PIGB: variants seen among roughly 807,000 people sequenced by gnomAD.
PIGB encodes the protein GPI alpha-1,2-mannosyltransferase 3.
In PIGB, 58 loss-of-function variants were observed where a neutral mutation model predicts 68.4. That is an observed-to-expected ratio of 0.85 (90% CI 0.69 to 1.06). The LOEUF is 1.06. PIGB is among the 50% of genes least tolerant of loss of function. The pLI, the probability that PIGB is intolerant of heterozygous loss-of-function variation, is 0.00. For missense variants in PIGB, 634 were observed against 655.8 expected, an observed-to-expected ratio of 0.97 and a Z score of 0.36; for synonymous variants, 219 against 220.5, an observed-to-expected ratio of 0.99 and a Z score of 0.06.
chr15:55,329,348 A>G (rs2055362670), intron 4 of PIGB, among the ~76,000 whole-genome samples: 1 of 152,196 alleles, frequency 6.6e-6, no homozygotes. Flanking sequence ...TCAGTACTAT[A>G]AGACAGTTTG....
chr15:55,328,108 A>G (rs2055333503), intron 4 of PIGB, among the ~76,000 whole-genome samples: 1 of 152,222 alleles, frequency 6.6e-6, no homozygotes, highest in Non-Finnish European at 1.5e-5. Flanking sequence ...TTGGTGCAAA[A>G]GTAATTGTCG....
chr15:55,321,661 T>C (rs2055168365), intron 3 of PIGB, among the ~76,000 whole-genome samples: 1 of 145,290 alleles, frequency 6.9e-6, no homozygotes, highest in African/African-American at 2.5e-5. Context: ...TTTTTTTTTT[T>C]TTTTTTTTTG....
At chr15:55,345,758 T>TA (rs531241455) in intron 9 of PIGB, among the ~76,000 whole-genome samples, 7,568 of 147,152 alleles carry the variant, frequency 0.051, 552 homozygotes, top group African/African-American at 0.17. Flanking sequence ...AGATTCTGTC[T>TA]AAAAAAAAAA....
At chr15:55,345,234 C>T (rs2055765464) in intron 9 of PIGB, among the ~76,000 whole-genome samples, 1 of 151,904 alleles carries the variant, frequency 6.6e-6, no homozygotes, top group African/African-American at 2.4e-5. Context: ...TACATTATTT[C>T]AGAAGACATT....
At chr15:55,326,440 G>C (rs1320418516) in intron 3 of PIGB, among the ~76,000 whole-genome samples, 2 of 152,098 alleles carry the variant, frequency 1.3e-5, no homozygotes, top group Non-Finnish European at 1.5e-5. Flanking sequence ...CTATAAAACA[G>C]TTCTTGACTC....
intron 6 of PIGB, among the ~76,000 whole-genome samples, chr15:55,338,818 A>G (rs995094023): frequency 6.6e-6 from 1 of 152,138 alleles, no homozygotes; most frequent in African/African-American, 2.4e-5. Flanking sequence ...CAACCATGTG[A>G]GCAAATTTGG....
intron 5 of PIGB, among the ~76,000 whole-genome samples, chr15:55,331,489 G>A (rs544678708): frequency 6.6e-6 from 1 of 152,214 alleles, no homozygotes; most frequent in South Asian, 2.1e-4. Flanking sequence ...CGAGACGGGT[G>A]GATCACTTGA....
At position 55,334,016 on chromosome 15, in the gene PIGB, G is replaced by C; in HGVS notation, c.794+9G>C. Reference sequence around the variant, plus strand: ...CATTTTTTACCTGTAGGGTAAGTGTGGCAATAATCCATCCATTTATTTTAG... The same window carrying C: ...CATTTTTTACCTGTAGGGTAAGTGTCGCAATAATCCATCCATTTATTTTAG... On this transcript the variant is annotated intron_variant, in intron 6 of 11. Coordinates refer to ENST00000164305, the MANE Select transcript of PIGB (RefSeq NM_004855.5). The C allele has an allele frequency of 6.5e-7, 1 of 1,550,312 alleles. No individual in the cohort carries two copies. Among genetic ancestry groups the C allele is most frequent in the Non-Finnish European group, 8.7e-7 (1 of 1,147,016 alleles).
At chr15:55,354,008 A>G in intron 10 of PIGB, among the ~76,000 whole-genome samples, 1 of 152,058 alleles carries the variant, frequency 6.6e-6, no homozygotes, top group Non-Finnish European at 1.5e-5. Flanking sequence ...TAAAAAAAAA[A>G]AACACTTCAA....
chr15:55,320,608 C>G (rs2055142200), intron 2 of PIGB, among the ~76,000 whole-genome samples, 198 bp downstream of exon 2: 1 of 152,060 alleles, frequency 6.6e-6, no homozygotes, highest in Admixed American at 6.6e-5. Flanking sequence ...TACACACACG[C>G]TTATGATAAA....
In PIGB at chr15:55,334,617, A is replaced by C. The variant is rs150152677; in HGVS notation, c.794+610A>C. ...TAATCTTTTTAATATACAATCATGC[A>C]CCGCATAATGACATTTTGGTTAGCA... is the stretch of plus-strand genomic sequence containing the variant. On this transcript the variant is annotated intron_variant, in intron 6 of 11. Transcript: ENST00000164305. Among the ~76,000 whole-genome samples, 739 of 152,336 alleles carry C rather than the reference A, an allele frequency of 4.9e-3. 9 individuals are homozygous for C. Among genetic ancestry groups the C allele is most frequent in the African/African-American group, 0.017 (706 of 41,578 alleles).
At chr15:55,329,986 A>G (rs982927756) in intron 5 of PIGB, 132 bp downstream of exon 5, 125 of 590,146 alleles carry the variant, frequency 2.1e-4, no homozygotes, top group Admixed American at 3.4e-4. Flanking sequence ...TTCAGTTGAT[A>G]TATTATAGCA....
chr15:55,344,763 C>A (rs1453400229), intron 9 of PIGB, among the ~76,000 whole-genome samples: 2 of 152,100 alleles, frequency 1.3e-5, no homozygotes, highest in African/African-American at 4.8e-5. Context: ...TTGAATCTCT[C>A]ATTTGTGCTG....
At chr15:55,347,804 T>C (rs1046207457) in intron 9 of PIGB, among the ~76,000 whole-genome samples, 9 of 152,128 alleles carry the variant, frequency 5.9e-5, no homozygotes, top group African/African-American at 1.9e-4. Flanking sequence ...CACCATCATG[T>C]AAGGCAAGCA....
Position 55,354,954 on chromosome 15 carries a change from G to C in PIGB, c.1494G>C (p.Leu498Phe). The stretch of plus-strand genomic sequence containing the variant: ...ATGATGCATCATTGCCTACTCACTT[G>C]ATCACCTTCAGCATTTTGGAAGAGG... ...FHDDASLPTH[L>F]ITFSILEEEI... The change falls in exon 11 of 12, where the codon TTG becomes TTC. Residue 498 changes from leucine to phenylalanine, a missense_variant. Physicochemically the swap from Leu to Phe is conservative, Grantham distance 22 (BLOSUM62 0). Transcript: ENST00000164305. 6.2e-7 allele frequency: 1 copy of C among 1,612,166 alleles called. No individual in the cohort carries two copies. Among genetic ancestry groups the C allele is most frequent in the South Asian group, 1.1e-5 (1 of 90,630 alleles).
chr15:55,337,038 A>G (rs571324003), intron 6 of PIGB, among the ~76,000 whole-genome samples: 2 of 152,246 alleles, frequency 1.3e-5, no homozygotes, highest in African/African-American at 2.4e-5. Context: ...TTAAAAATCT[A>G]TAAGAAAAAG....
chr15:55,329,529 A>T (rs1333047409), intron 4 of PIGB, among the ~76,000 whole-genome samples, 195 bp from the exon 5 acceptor site: 2 of 152,214 alleles, frequency 1.3e-5, no homozygotes, highest in African/African-American at 4.8e-5. Flanking sequence ...ACAAATATAG[A>T]TCTGCTATTA....
In PIGB at chr15:55,323,096, G is replaced by A. The variant is rs538545445; in HGVS notation, c.417+1706G>A. Among the ~76,000 whole-genome samples the A allele has an allele frequency of 3.9e-5, 6 of 152,218 alleles. No homozygotes were observed. In the South Asian group the frequency reaches 6.2e-4, roughly 16 times the overall value. ...ACCCCTCTAAAAGGAACTCATTGTC[G>A]TATCTAGAACTTGACCCTGTAGAGA... On this transcript the variant is annotated intron_variant, in intron 3 of 11. Coordinates refer to ENST00000164305, the MANE Select transcript of PIGB (RefSeq NM_004855.5).
chr15:55,327,062 C>G (rs2055305619), intron 3 of PIGB, among the ~76,000 whole-genome samples: 1 of 151,744 alleles, frequency 6.6e-6, no homozygotes, highest in Admixed American at 6.6e-5. Flanking sequence ...CTCCTGGATT[C>G]AAGGCTGCAG....
Sources: gnomAD v4.1 joint callset for allele counts (sites outside exome capture counted in the v4.1 genomes callset) on GRCh38, gnomAD v4.1.1 for gene constraint, MANE v1.5 for transcripts, NCBI Gene and HGNC (gene_info 2026-07-23, HGNC 2026-07-21) for gene names.